The following ZFPM2 variants were observed in gnomAD, a reference collection of about 807,000 sequenced individuals.
ZFPM2 encodes zinc finger protein ZFPM2.
In ZFPM2, 20 loss-of-function variants were observed where a neutral mutation model predicts 98.6. The ratio of observed to expected loss-of-function variants is 0.20; its 90% CI spans 0.14 to 0.29. The LOEUF (loss-of-function observed/expected upper bound fraction) is 0.29, where lower values mean the gene tolerates loss of function less well. Among genes scored for constraint, ZFPM2 ranks in the 10% least tolerant of loss-of-function variants. ZFPM2 has a pLI of 1.00. For synonymous variants in ZFPM2, 518 were observed against 502.7 expected, an observed-to-expected ratio of 1.03 and a Z score of -0.41; for missense variants, 1,310 against 1,388.6, an observed-to-expected ratio of 0.94 and a Z score of 0.90.
At chr8:105,483,699 A>C (rs1813169744) in intron 3 of ZFPM2, among the ~76,000 whole-genome samples, 1 of 150,916 alleles carries the variant, frequency 6.6e-6, no homozygotes, top group Admixed American at 6.6e-5. Flanking sequence ...TGTCAGATTA[A>C]TTGTAATTCT....
chr8:105,512,577 G>T (rs1214167931), intron 3 of ZFPM2, among the ~76,000 whole-genome samples: 1 of 152,134 alleles, frequency 6.6e-6, no homozygotes, highest in Non-Finnish European at 1.5e-5. Context: ...GCTTTTAGTG[G>T]TCTTTGATTA....
At chr8:105,657,341 A>G (rs1187156796) in intron 5 of ZFPM2, among the ~76,000 whole-genome samples, 1 of 152,006 alleles carries the variant, frequency 6.6e-6, no homozygotes, top group Non-Finnish European at 1.5e-5. Flanking sequence ...GTTTCACCAT[A>G]TTGATCAGGC....
chr8:105,565,935 A>G (rs1041125180), intron 4 of ZFPM2, among the ~76,000 whole-genome samples: 1 of 152,210 alleles, frequency 6.6e-6, no homozygotes, highest in African/African-American at 2.4e-5. Flanking sequence ...TTGTCCAGTT[A>G]TGACGGCTGG....
chr8:105,764,613 C>A (rs1273401591), intron 5 of ZFPM2, among the ~76,000 whole-genome samples: 1 of 151,678 alleles, frequency 6.6e-6, no homozygotes. Context: ...AAAGGAGTAA[C>A]TGTTTCATTC....
At chr8:105,519,235 A>G (rs1019624331) in intron 3 of ZFPM2, among the ~76,000 whole-genome samples, 4 of 152,120 alleles carry the variant, frequency 2.6e-5, no homozygotes, top group African/African-American at 9.7e-5. Flanking sequence ...TGTTTAAGTT[A>G]TTATGCTATG....
intron 5 of ZFPM2, among the ~76,000 whole-genome samples, chr8:105,700,752 C>T (rs567914337): frequency 7.2e-5 from 11 of 152,122 alleles, no homozygotes; most frequent in African/African-American, 1.9e-4. Context: ...CGCACCACCA[C>T]GCCTGGCTAA....
chr8:105,726,448 C>A (rs1024229883), intron 5 of ZFPM2, among the ~76,000 whole-genome samples: 1 of 151,706 alleles, frequency 6.6e-6, no homozygotes, highest in African/African-American at 2.4e-5. Context: ...AAGAAGTCAG[C>A]AAAGAACAAC....
chr8:105,627,371 A>T (rs1014121016), intron 4 of ZFPM2, among the ~76,000 whole-genome samples: 2 of 152,184 alleles, frequency 1.3e-5, no homozygotes, highest in African/African-American at 2.4e-5. Flanking sequence ...CCAGGAGTGT[A>T]GAATTTTAAA....
chr8:105,484,676 A>AT (rs1813194049), intron 3 of ZFPM2, among the ~76,000 whole-genome samples: 1 of 152,176 alleles, frequency 6.6e-6, no homozygotes, highest in South Asian at 2.1e-4. Flanking sequence ...ATTGGCTACT[A>AT]TTTTTATTGT....
intron 5 of ZFPM2, among the ~76,000 whole-genome samples, chr8:105,760,117 T>C (rs1430975999): frequency 6.6e-6 from 1 of 151,796 alleles, no homozygotes; most frequent in East Asian, 1.9e-4. Context: ...GACTTCTTGG[T>C]GGATATGAAT....
intron 3 of ZFPM2, among the ~76,000 whole-genome samples, chr8:105,483,814 A>G (rs1205842305): frequency 6.7e-6 from 1 of 149,430 alleles, no homozygotes; most frequent in African/African-American, 2.5e-5. Flanking sequence ...GCTCACTGCA[A>G]CCTCTGCCTC....
chr8:105,644,912 A>G (rs1204866354), intron 5 of ZFPM2, among the ~76,000 whole-genome samples: 5 of 152,340 alleles, frequency 3.3e-5, no homozygotes, highest in Admixed American at 2.0e-4. Flanking sequence ...ATTTGGGGTT[A>G]GAGTTCCAAC....
intron 5 of ZFPM2, among the ~76,000 whole-genome samples, chr8:105,690,029 C>T (rs1250034459): frequency 2.0e-5 from 3 of 152,176 alleles, no homozygotes; most frequent in Admixed American, 2.0e-4. Flanking sequence ...AACCTCTAAA[C>T]TTTTATCCAT....
chr8:105,759,719 T>C (rs1036390186), intron 5 of ZFPM2, among the ~76,000 whole-genome samples: 2 of 151,920 alleles, frequency 1.3e-5, no homozygotes, highest in African/African-American at 4.8e-5. Context: ...GGTGAAATGA[T>C]GGATGCAATT....
intron 4 of ZFPM2, among the ~76,000 whole-genome samples, chr8:105,599,221 T>C (rs1208080460): frequency 1.2e-4 from 18 of 152,000 alleles, no homozygotes; most frequent in Admixed American, 1.2e-3. Context: ...CCGTGTCCTT[T>C]TGTGATTCAT....
intron 2 of ZFPM2, among the ~76,000 whole-genome samples, chr8:105,422,624 A>T (rs1811818685): frequency 6.6e-6 from 1 of 152,124 alleles, no homozygotes; most frequent in Non-Finnish European, 1.5e-5. Flanking sequence ...TACCTAGTTA[A>T]TTATATGGGT....
intron 5 of ZFPM2, among the ~76,000 whole-genome samples, chr8:105,709,082 A>T (rs1239392024): frequency 6.6e-6 from 1 of 152,172 alleles, no homozygotes; most frequent in Non-Finnish European, 1.5e-5. Context: ...GAGAAAGGGG[A>T]GAACCTGAAC....
chr8:105,776,028 G>A (rs1291016329), intron 5 of ZFPM2, among the ~76,000 whole-genome samples: 1 of 151,872 alleles, frequency 6.6e-6, no homozygotes, highest in East Asian at 1.9e-4. Context: ...CCCGAAAGAG[G>A]CATCATGAGC....
chr8:105,390,327 C>G (rs1436655938), intron 1 of ZFPM2, among the ~76,000 whole-genome samples: 2 of 152,194 alleles, frequency 1.3e-5, no homozygotes, highest in East Asian at 3.8e-4. Context: ...TATGACAGTA[C>G]TTTTATTTTA....
Sources: gnomAD v4.1 joint callset for allele counts (sites outside exome capture counted in the v4.1 genomes callset) on GRCh38, gnomAD v4.1.1 for gene constraint, MANE v1.5 for transcripts, NCBI Gene and HGNC (gene_info 2026-07-23, HGNC 2026-07-21) for gene names.